SUSD4: variants seen among roughly 807,000 people sequenced by gnomAD.
The protein encoded by SUSD4 is sushi domain-containing protein 4.
A neutral mutation model predicts 50.5 loss-of-function variants in SUSD4; 41 were observed. That is an observed-to-expected ratio of 0.81 (90% confidence interval 0.63 to 1.05). The LOEUF (loss-of-function observed/expected upper bound fraction) is 1.05. SUSD4 is among the 50% of genes least tolerant of loss of function. The pLI is 0.00. For missense variants in SUSD4, 580 were observed against 634.7 expected (o/e 0.91, Z 0.93); for synonymous variants, 257 against 257.3 (o/e 1.00, Z 0.01).
chr1:223,252,358 C>T (rs1445401359), intron 5 of SUSD4, among the ~76,000 whole-genome samples: 2 of 151,428 alleles, frequency 1.3e-5, no homozygotes, highest in Non-Finnish European at 2.9e-5. Context: ...TGGAATGAAG[C>T]GGCGACAAGC....
upstream of SUSD4, among the ~76,000 whole-genome samples, chr1:223,364,359 A>C (rs1379064758): frequency 2.8e-5 from 3 of 108,244 alleles, no homozygotes; most frequent in Admixed American, 8.9e-5. This position sits in a 1 kb window ranked among gnomAD's most constrained non-coding sequence, Gnocchi z 4.5. Flanking sequence ...GTGGGTGGGG[A>C]CGGGGTGAGT....
intron 5 of SUSD4, among the ~76,000 whole-genome samples, chr1:223,248,347 T>G (rs143113243): frequency 6.6e-6 from 1 of 152,308 alleles, no homozygotes; most frequent in African/African-American, 2.4e-5. Flanking sequence ...TCTGCTCCCA[T>G]ATTGTACAGA....
At chr1:223,364,225 G>A (rs2102614745), upstream of SUSD4, 1 of 149,874 alleles carries the variant, frequency 6.7e-6, no homozygotes, top group Non-Finnish European at 1.5e-5. This position sits in a 1 kb window ranked among gnomAD's most constrained non-coding sequence, Gnocchi z 4.5. Context: ...TCCCTCCCCA[G>A]GCGCCCCCGA....
intron 3 of SUSD4, among the ~76,000 whole-genome samples, chr1:223,280,922 G>A (rs1663672662): frequency 6.6e-6 from 1 of 152,178 alleles, no homozygotes; most frequent in African/African-American, 2.4e-5. Context: ...TAGAACTCAG[G>A]ATTAAGAAAC....
At chr1:223,261,674 A>G (rs935960983) in intron 5 of SUSD4, among the ~76,000 whole-genome samples, 3 of 152,190 alleles carry the variant, frequency 2.0e-5, no homozygotes, top group Non-Finnish European at 2.9e-5. Context: ...ATACACAAAT[A>G]ACCAAAATAG....
chr1:223,236,569 T>C (rs1660239851), intron 5 of SUSD4, among the ~76,000 whole-genome samples: 1 of 151,870 alleles, frequency 6.6e-6, no homozygotes, highest in East Asian at 1.9e-4. Context: ...TGTTTTTGTA[T>C]GTGGATGCCC....
rs779007051 is a variant in SUSD4 at position 223,223,327 on chromosome 1, C to A, written c.1366G>T (p.Ala456Ser). The change falls in exon 8 of 9, where the codon GCT becomes TCT. Residue 456 changes from alanine to serine, a missense_variant. Physicochemically the swap from Ala to Ser is moderately conservative, Grantham distance 99. Transcript: ENST00000366878. Reference sequence around the variant, plus strand: ...GCAATTATGTCAGGGTTGTCCGAAGCAGGGTGGGTGCTCTCTTGGCACCTG... The same window carrying A: ...GCAATTATGTCAGGGTTGTCCGAAGAAGGGTGGGTGCTCTCTTGGCACCTG... ...PPRCQESTHP[A>S]SDNPDIIAST... 6.2e-7 allele frequency: 1 copy of A among 1,608,758 alleles called. No homozygotes were observed.
chr1:223,240,633 T>C (rs2103021166), intron 5 of SUSD4, among the ~76,000 whole-genome samples: 1 of 152,324 alleles, frequency 6.6e-6, no homozygotes, highest in South Asian at 2.1e-4. Context: ...ATATCTAGCA[T>C]TTCTTTTTGG....
intron 5 of SUSD4, among the ~76,000 whole-genome samples, chr1:223,244,896 C>T (rs1660817656): frequency 6.6e-6 from 1 of 152,138 alleles, no homozygotes; most frequent in South Asian, 2.1e-4. Context: ...ATAGGAGGTA[C>T]AGAAGAGAGA....
chr1:223,357,716 AT>A (rs367574605), intron 2 of SUSD4, among the ~76,000 whole-genome samples: 19 of 152,340 alleles, frequency 1.2e-4, no homozygotes, highest in Admixed American at 9.8e-4. Context: ...CCAACTTAAA[AT>A]TTTGTCCCTT....
At chr1:223,357,479 G>A (rs959997231) in intron 2 of SUSD4, among the ~76,000 whole-genome samples, 8 of 152,312 alleles carry the variant, frequency 5.3e-5, no homozygotes, top group African/African-American at 1.9e-4. Context: ...TGCCCCACTT[G>A]TAAGCCAGGT....
At chr1:223,279,069 T>G in intron 3 of SUSD4, among the ~76,000 whole-genome samples, 1 of 152,056 alleles carries the variant, frequency 6.6e-6, no homozygotes, top group Non-Finnish European at 1.5e-5. Context: ...AAACCCCATC[T>G]GTACGTCACC....
At chr1:223,238,810 C>G (rs1227462057) in intron 5 of SUSD4, among the ~76,000 whole-genome samples, 1 of 151,860 alleles carries the variant, frequency 6.6e-6, no homozygotes, top group Non-Finnish European at 1.5e-5. Context: ...GTGTTTTCTG[C>G]TGTTGTTAAA....
chr1:223,261,110 T>C (rs919783048), intron 5 of SUSD4, among the ~76,000 whole-genome samples: 6 of 152,146 alleles, frequency 3.9e-5, no homozygotes, highest in African/African-American at 9.7e-5. Flanking sequence ...TGGGGTTCCA[T>C]GGCCACGTGG....
chr1:223,221,407 T>TCTGA lies in SUSD4; in HGVS notation c.*781_*784dup, dbSNP rs1393466610. 1 of 263,620 alleles carries TCTGA rather than the reference T, an allele frequency of 3.8e-6. No homozygotes were observed. The highest frequency in any genetic ancestry group is 5.4e-5 in the Admixed American group (1 of 18,558). The allele number at this position is 263,620 out of a possible 1,614,324, so 16.3% of individuals were successfully genotyped here. ...CATCATGAGATGTATTTGAACACAT[T>TCTGA]CTGACCATGTGTAAAAACCACCAGA... On this transcript the variant is annotated 3_prime_UTR_variant, in exon 9 of 9. Transcript: ENST00000366878.
intron 2 of SUSD4, among the ~76,000 whole-genome samples, chr1:223,341,212 C>T (rs377749188): frequency 1.1e-4 from 17 of 152,282 alleles, no homozygotes; most frequent in African/African-American, 3.1e-4. Flanking sequence ...CCATCTGTCC[C>T]CCACTATAAC....
intron 5 of SUSD4, among the ~76,000 whole-genome samples, chr1:223,249,547 A>T (rs1661163040): frequency 6.6e-6 from 1 of 152,128 alleles, no homozygotes; most frequent in African/African-American, 2.4e-5. Context: ...GGAAATACAT[A>T]ATTGAGTAGT....
At chr1:223,307,052 A>G (rs1166429460) in intron 2 of SUSD4, among the ~76,000 whole-genome samples, 2 of 147,904 alleles carry the variant, frequency 1.4e-5, no homozygotes, top group African/African-American at 4.9e-5. Context: ...TTATTTTTAT[A>G]GAGACAGGAT....
At chr1:223,252,481 T>C (rs1402236247) in intron 5 of SUSD4, among the ~76,000 whole-genome samples, 1 of 151,878 alleles carries the variant, frequency 6.6e-6, no homozygotes, top group African/African-American at 2.4e-5. Flanking sequence ...TCTTTAAAAA[T>C]GTCAAGCAGA....
Sources: allele counts gnomAD v4.1 joint callset (sites outside exome capture counted in the v4.1 genomes callset), GRCh38; gene constraint gnomAD v4.1.1; non-coding constraint Gnocchi (gnomAD v3.1); transcripts MANE v1.5; gene names NCBI Gene and HGNC (gene_info 2026-07-23, HGNC 2026-07-21).